Variants in ME1 observed in about 807,000 individuals in gnomAD.
ME1 encodes the protein NADP-dependent malic enzyme.
ME1 carries 74 observed loss-of-function variants against 66.4 expected under a neutral mutation model. The observed-to-expected ratio is 1.11, with a 90% CI of 0.92 to 1.35. ME1 has a LOEUF of 1.35. Ranked by LOEUF, ME1 falls within the 40% of genes most tolerant of loss-of-function variation. ME1 has a pLI of 0.00. For synonymous variants in ME1, 251 were observed against 235.6 expected (o/e 1.07, Z -0.60); for missense variants, 750 against 694.1 (o/e 1.08, Z -0.90).
intron 6 of ME1, among the ~76,000 whole-genome samples, chr6:83,291,912 G>A (rs776381996): frequency 7.3e-5 from 11 of 151,616 alleles, no homozygotes; most frequent in Middle Eastern, 3.4e-3. Context: ...TGATCGAATC[G>A]GCTATTGAAG....
intron 3 of ME1, among the ~76,000 whole-genome samples, chr6:83,356,900 C>T (rs991598584): frequency 4.6e-5 from 7 of 152,166 alleles, no homozygotes; most frequent in East Asian, 1.9e-4. Flanking sequence ...AATCCTCAGA[C>T]ATCATTCACA....
At chr6:83,292,289 C>T (rs1363560404) in intron 6 of ME1, among the ~76,000 whole-genome samples, 2 of 152,112 alleles carry the variant, frequency 1.3e-5, no homozygotes, top group African/African-American at 2.4e-5. Context: ...TTGGGACCTA[C>T]GAATAGGGTT....
chr6:83,358,717 G>A (rs1768948226), intron 3 of ME1, among the ~76,000 whole-genome samples: 1 of 151,992 alleles, frequency 6.6e-6, no homozygotes, highest in Non-Finnish European at 1.5e-5. Context: ...TTTCCAGAAG[G>A]AACAGCTTCC....
At chr6:83,260,949 T>C (rs142719534) in intron 6 of ME1, among the ~76,000 whole-genome samples, 73 of 152,270 alleles carry the variant, frequency 4.8e-4, no homozygotes, top group South Asian at 2.3e-3. Context: ...TGTGGTAAAA[T>C]AATTTATATT....
chr6:83,351,736 C>T (rs979820144), intron 4 of ME1, among the ~76,000 whole-genome samples: 3 of 152,020 alleles, frequency 2.0e-5, no homozygotes, highest in Non-Finnish European at 4.4e-5. Flanking sequence ...ACTTGGATTC[C>T]TCTTAGTGGA....
intron 2 of ME1, among the ~76,000 whole-genome samples, chr6:83,404,100 A>G (rs923112121): frequency 2.6e-5 from 4 of 152,124 alleles, no homozygotes; most frequent in Non-Finnish European, 4.4e-5. Flanking sequence ...ACAATGGTTG[A>G]ACTAATTTAC....
chr6:83,319,751 G>C (rs1288146226), intron 5 of ME1, among the ~76,000 whole-genome samples: 3 of 152,196 alleles, frequency 2.0e-5, no homozygotes, highest in Non-Finnish European at 4.4e-5. Flanking sequence ...CCTATTCAAA[G>C]AATATTCCCT....
chr6:83,367,060 T>C (rs1293077340), intron 3 of ME1, among the ~76,000 whole-genome samples: 1 of 152,232 alleles, frequency 6.6e-6, no homozygotes, highest in African/African-American at 2.4e-5. Context: ...TGGATGATGT[T>C]AGCAGTCATG....
At chr6:83,315,435 AAAATAG>A (rs1356581179) in intron 5 of ME1, 22 bp from the exon 6 acceptor site, 1 of 1,360,822 alleles carries the variant, frequency 7.3e-7, no homozygotes. Context: ...AGTTACCATA[AAAATAG>A]AAATAACTAT....
At chr6:83,217,199 T>C (rs1414608966) in intron 12 of ME1, among the ~76,000 whole-genome samples, 3 of 152,194 alleles carry the variant, frequency 2.0e-5, no homozygotes, top group Non-Finnish European at 2.9e-5. Flanking sequence ...TATTGAACCC[T>C]AAGGCAGAGA....
chr6:83,366,607 G>A (rs747776574), intron 3 of ME1, among the ~76,000 whole-genome samples: 1 of 152,172 alleles, frequency 6.6e-6, no homozygotes, highest in Non-Finnish European at 1.5e-5. Flanking sequence ...AAAAATCCTA[G>A]GATGAAGAAC....
intron 6 of ME1, among the ~76,000 whole-genome samples, chr6:83,268,805 T>A (rs11967087): frequency 0.056 from 8,438 of 151,436 alleles, 799 homozygotes; most frequent in African/African-American, 0.2. Flanking sequence ...TTGCCCAGGC[T>A]GGTCTTGAAC....
chr6:83,249,236 CT>C (rs894845152), intron 7 of ME1, among the ~76,000 whole-genome samples: 7 of 151,318 alleles, frequency 4.6e-5, no homozygotes, highest in African/African-American at 1.5e-4. Context: ...TATATATATA[CT>C]TTTTTTCTTT....
chr6:83,319,250 G>A (rs1381962819), intron 5 of ME1, among the ~76,000 whole-genome samples: 1 of 151,220 alleles, frequency 6.6e-6, no homozygotes, highest in Non-Finnish European at 1.5e-5. Flanking sequence ...ACATGTATAT[G>A]TATGTAACTA....
intron 6 of ME1, among the ~76,000 whole-genome samples, chr6:83,295,667 C>CA (rs1286053292): frequency 6.6e-6 from 1 of 151,864 alleles, no homozygotes; most frequent in Non-Finnish European, 1.5e-5. Context: ...AAGAAATAAC[C>CA]AAAATCAGAG....
intron 3 of ME1, among the ~76,000 whole-genome samples, chr6:83,359,603 G>C (rs1186286894): frequency 6.6e-6 from 1 of 152,182 alleles, no homozygotes; most frequent in Non-Finnish European, 1.5e-5. Flanking sequence ...CCCACTGTGA[G>C]TGAGCTGGAA....
intron 6 of ME1, among the ~76,000 whole-genome samples, chr6:83,266,089 A>G (rs943144202): frequency 3.9e-5 from 6 of 152,220 alleles, no homozygotes; most frequent in African/African-American, 1.4e-4. Flanking sequence ...AAAGCATTAT[A>G]AACATTAGCA....
At chr6:83,422,584 C>T (rs1770288733) in intron 1 of ME1, among the ~76,000 whole-genome samples, 1 of 152,040 alleles carries the variant, frequency 6.6e-6, no homozygotes. Flanking sequence ...ATAACCATGC[C>T]TAAGAACATA....
chr6:83,313,502 C>T (rs1184205773), intron 6 of ME1, among the ~76,000 whole-genome samples: 1 of 152,162 alleles, frequency 6.6e-6, no homozygotes, highest in Admixed American at 6.6e-5. Context: ...AATAAAAACT[C>T]CTTCTCCCCT....
Sources: gnomAD v4.1 joint callset for allele counts (sites outside exome capture counted in the v4.1 genomes callset) on GRCh38, gnomAD v4.1.1 for gene constraint, MANE v1.5 for transcripts, NCBI Gene and HGNC (gene_info 2026-07-23, HGNC 2026-07-21) for gene names.